RBFOX1: variants seen among roughly 807,000 people sequenced by gnomAD.
The protein encoded by RBFOX1 is RNA binding protein fox-1 homolog 1.
A neutral mutation model predicts 57.7 loss-of-function variants in RBFOX1; 8 were observed. That is an observed-to-expected ratio of 0.14 (90% CI 0.08 to 0.25). The LOEUF (loss-of-function observed/expected upper bound fraction) is 0.25, where lower values mean the gene tolerates loss of function less well. RBFOX1 is among the 10% of genes least tolerant of loss of function. The pLI is 1.00. For missense variants in RBFOX1, 611 were observed against 548.5 expected, an observed-to-expected ratio of 1.11 and a Z score of -1.14; for synonymous variants, 326 against 222.4, an observed-to-expected ratio of 1.47 and a Z score of -4.15.
chr16:5,990,633 G>A (rs8048361), intron 4 of RBFOX1, among the ~76,000 whole-genome samples: 24,532 of 152,130 alleles, frequency 0.16, 2,164 homozygotes, highest in Middle Eastern at 0.29. Flanking sequence ...AAATAGTTGC[G>A]GTGTATGGGG....
At chr16:5,893,532 CA>C (rs1242251258) in intron 4 of RBFOX1, among the ~76,000 whole-genome samples, 1 of 152,138 alleles carries the variant, frequency 6.6e-6, no homozygotes, top group African/African-American at 2.4e-5. Context: ...TCTGGCTAGG[CA>C]TGGTGGCTCA....
chr16:7,367,975 C>G (rs555279592), intron 4 of RBFOX1, among the ~76,000 whole-genome samples: 163 of 152,056 alleles, frequency 1.1e-3, no homozygotes, highest in African/African-American at 3.8e-3. Flanking sequence ...AATCTTTACT[C>G]TAAAGAGAGA....
At chr16:7,691,906 AGC>A (rs1189654320) in intron 14 of RBFOX1, among the ~76,000 whole-genome samples, 3 of 152,104 alleles carry the variant, frequency 2.0e-5, no homozygotes, top group East Asian at 1.9e-4. Context: ...CATTCTTAGG[AGC>A]ATTCTGTAAA....
At chr16:5,771,956 G>A (rs916280363) in intron 3 of RBFOX1, among the ~76,000 whole-genome samples, 3 of 152,052 alleles carry the variant, frequency 2.0e-5, no homozygotes, top group Non-Finnish European at 4.4e-5. Context: ...GGTGGATCAC[G>A]AGGTCAGGAT....
chr16:7,281,033 G>C (rs542297167), intron 4 of RBFOX1, among the ~76,000 whole-genome samples: 63 of 126,666 alleles, frequency 5.0e-4, no homozygotes, highest in South Asian at 8.6e-4. Flanking sequence ...GACAGAGTGA[G>C]TCTCCTTCAC....
chr16:5,755,985 G>C (rs1302714625), intron 3 of RBFOX1, among the ~76,000 whole-genome samples: 1 of 152,108 alleles, frequency 6.6e-6, no homozygotes, highest in Non-Finnish European at 1.5e-5. Context: ...AGTTTGAAAA[G>C]ACCTCAGAGG....
chr16:6,981,042 C>CAAAA (rs36117809), intron 3 of RBFOX1, among the ~76,000 whole-genome samples: 5,550 of 77,254 alleles, frequency 0.072, 356 homozygotes, highest in Non-Finnish European at 0.091. Context: ...GTCTCAGTCT[C>CAAAA]AAAAAAAAAA....
In RBFOX1 at chr16:7,518,014, C is replaced by G. The variant is rs1260563351; in HGVS notation, c.28-133C>G. The G allele has an allele frequency of 2.5e-5, 28 of 1,124,686 alleles. 1 individual carries two copies. The South Asian group carries it at 4.0e-4, about 16-fold the overall frequency. The allele number at this position is 1,124,686 out of a possible 1,614,324, so 69.7% of individuals were successfully genotyped here. A position where few individuals can be genotyped will look rare whatever the true frequency, so the allele number is the denominator to read the frequency against. On this transcript the variant is annotated intron_variant, in intron 4 of 15. Coordinates refer to ENST00000550418, the MANE Select transcript of RBFOX1 (RefSeq NM_018723.4). ...TGAAGATGACCTGAGATTGGTCCAT[C>G]TCAGGCTGGTGGCACCATGGTGACC... is the stretch of plus-strand genomic sequence containing the variant.
chr16:5,711,040 C>T (rs139262235), intron 3 of RBFOX1, among the ~76,000 whole-genome samples: 2 of 152,138 alleles, frequency 1.3e-5, no homozygotes, highest in Admixed American at 1.3e-4. Context: ...TGCCTCTGGA[C>T]TCCCAGGGTG....
intron 2 of RBFOX1, among the ~76,000 whole-genome samples, chr16:5,571,110 G>C (rs753069337): frequency 7.9e-5 from 12 of 150,960 alleles, no homozygotes; most frequent in Non-Finnish European, 1.3e-4. Flanking sequence ...CACTCCCCCA[G>C]CCCTTCATGT....
chr16:5,575,711 G>A (rs2151143133), intron 2 of RBFOX1, among the ~76,000 whole-genome samples: 1 of 152,318 alleles, frequency 6.6e-6, no homozygotes, highest in South Asian at 2.1e-4. Flanking sequence ...TGCCTTGCTT[G>A]ATCTAATTGG....
At chr16:6,902,310 C>G (rs2068688785) in intron 3 of RBFOX1, among the ~76,000 whole-genome samples, 1 of 152,148 alleles carries the variant, frequency 6.6e-6, no homozygotes, top group Non-Finnish European at 1.5e-5. Context: ...GAAAGCTACT[C>G]TTACTTGATA....
intron 4 of RBFOX1, among the ~76,000 whole-genome samples, chr16:5,872,577 G>T (rs1430102917): frequency 6.7e-6 from 1 of 148,836 alleles, no homozygotes; most frequent in Non-Finnish European, 1.5e-5. Context: ...TCTACAGAAA[G>T]AAAAAAAAAA....
intron 3 of RBFOX1, among the ~76,000 whole-genome samples, chr16:6,664,720 G>T (rs1391078003): frequency 1.3e-5 from 2 of 152,230 alleles, no homozygotes; most frequent in South Asian, 2.1e-4. Flanking sequence ...ATGGAAGTCA[G>T]TTCTGGAGAT....
intron 1 of RBFOX1, among the ~76,000 whole-genome samples, chr16:6,080,968 C>A (rs1265696872): frequency 2.0e-5 from 3 of 152,144 alleles, no homozygotes; most frequent in Non-Finnish European, 4.4e-5. Context: ...AATCCTAGTA[C>A]CACCAATTTG....
chr16:7,514,205 A>C (rs1400411649), intron 4 of RBFOX1, among the ~76,000 whole-genome samples: 1 of 152,200 alleles, frequency 6.6e-6, no homozygotes, highest in African/African-American at 2.4e-5. Flanking sequence ...AAGCGGCTAC[A>C]GACAGTAAAC....
intron 1 of RBFOX1, among the ~76,000 whole-genome samples, chr16:6,246,552 T>C (rs1035699929): frequency 2.0e-5 from 3 of 152,056 alleles, no homozygotes; most frequent in Non-Finnish European, 4.4e-5. Context: ...GATTGGCAGC[T>C]CTGTGGTAAC....
chr16:5,265,862 GA>G (rs1476067177), intron 1 of RBFOX1, among the ~76,000 whole-genome samples: 2 of 152,134 alleles, frequency 1.3e-5, no homozygotes, highest in African/African-American at 4.8e-5. Flanking sequence ...TCTGTGGGTG[GA>G]TGTCTGCATG....
At chr16:6,917,751 C>T (rs1337733834) in intron 3 of RBFOX1, among the ~76,000 whole-genome samples, 5 of 152,164 alleles carry the variant, frequency 3.3e-5, no homozygotes, top group African/African-American at 7.2e-5. Flanking sequence ...GGACATATTT[C>T]ATATCCTCAG....
Sources: gnomAD v4.1 joint callset for allele counts (sites outside exome capture counted in the v4.1 genomes callset) on GRCh38, gnomAD v4.1.1 for gene constraint, MANE v1.5 for transcripts, NCBI Gene and HGNC (gene_info 2026-07-23, HGNC 2026-07-21) for gene names.